SDK1: variants seen among roughly 807,000 people sequenced by gnomAD.
SDK1 encodes the protein sidekick cell adhesion molecule 1, also known as protein sidekick-1.
A neutral mutation model predicts 245.5 loss-of-function variants in SDK1; 157 were observed. That is an observed-to-expected ratio of 0.64 (90% CI 0.56 to 0.73). The LOEUF (loss-of-function observed/expected upper bound fraction) is 0.73, where lower values mean the gene tolerates loss of function less well. Among genes scored for constraint, SDK1 ranks in the 30% least tolerant of loss-of-function variants. SDK1 has a pLI of 0.00. For synonymous variants in SDK1, 1,647 were observed against 1,278.5 expected (o/e 1.29, Z -6.15); for missense variants, 3,583 against 3,002.3 (o/e 1.19, Z -4.52).
chr7:3,556,892 G>GTGATGGATAC (rs1779604630), intron 1 of SDK1, among the ~76,000 whole-genome samples: 1 of 152,010 alleles, frequency 6.6e-6, no homozygotes, highest in Admixed American at 6.6e-5. Context: ...CCCATACCCC[G>GTGATGGATAC]TTTACCCTGA....
At chr7:3,847,592 G>A (rs1258926475) in intron 5 of SDK1, among the ~76,000 whole-genome samples, 1 of 152,180 alleles carries the variant, frequency 6.6e-6, no homozygotes, top group Non-Finnish European at 1.5e-5. Context: ...TGTTGACGCT[G>A]TCATGCTCTC....
chr7:3,433,894 A>T (rs533713472), intron 1 of SDK1, among the ~76,000 whole-genome samples: 3 of 152,240 alleles, frequency 2.0e-5, no homozygotes, highest in Non-Finnish European at 4.4e-5. Context: ...TTTTACATGA[A>T]AGTCATGATA....
At chr7:4,111,782 G>A (rs1235333312) in intron 23 of SDK1, among the ~76,000 whole-genome samples, 2 of 152,214 alleles carry the variant, frequency 1.3e-5, no homozygotes, top group African/African-American at 4.8e-5. Flanking sequence ...AACCTCTATA[G>A]TAAATGTATA....
At chr7:4,196,596 C>A (rs1317986388) in intron 35 of SDK1, among the ~76,000 whole-genome samples, 1 of 152,186 alleles carries the variant, frequency 6.6e-6, no homozygotes, top group African/African-American at 2.4e-5. Context: ...TGCACCTGGC[C>A]AGGGGAGCCC....
intron 1 of SDK1, among the ~76,000 whole-genome samples, chr7:3,535,527 G>C (rs1277523262): frequency 6.6e-6 from 1 of 152,126 alleles, no homozygotes; most frequent in African/African-American, 2.4e-5. Context: ...CTTTAGTAGT[G>C]TGACCTTATG....
chr7:4,127,027 A>T (rs654384), intron 25 of SDK1, among the ~76,000 whole-genome samples: 1 of 151,958 alleles, frequency 6.6e-6, no homozygotes, highest in Admixed American at 6.6e-5. Context: ...AGAATACCAC[A>T]TTTAGAGCTG....
At chr7:3,614,270 C>G (rs1280228250) in intron 1 of SDK1, among the ~76,000 whole-genome samples, 2 of 152,128 alleles carry the variant, frequency 1.3e-5, no homozygotes, top group South Asian at 2.1e-4. Flanking sequence ...AGAACACTTT[C>G]TATATGAAAA....
intron 5 of SDK1, among the ~76,000 whole-genome samples, chr7:3,881,463 A>G (rs945649836): frequency 2.6e-5 from 4 of 152,174 alleles, no homozygotes; most frequent in Non-Finnish European, 5.9e-5. Context: ...ATGGTATTCC[A>G]TGGTGTATAC....
intron 12 of SDK1, among the ~76,000 whole-genome samples, chr7:3,972,993 T>G (rs1782610346): frequency 1.3e-5 from 2 of 152,180 alleles, no homozygotes; most frequent in Non-Finnish European, 2.9e-5. Flanking sequence ...GAGTATGACT[T>G]CAAGGAAGTC....
At chr7:3,374,081 T>G (rs1781293580) in intron 1 of SDK1, among the ~76,000 whole-genome samples, 1 of 152,216 alleles carries the variant, frequency 6.6e-6, no homozygotes, top group Non-Finnish European at 1.5e-5. Context: ...TTTTTCTTTT[T>G]TTTAACTTGA....
chr7:3,642,903 G>A (rs544780866), intron 4 of SDK1: 2 of 152,212 alleles, frequency 1.3e-5, no homozygotes, highest in Non-Finnish European at 2.9e-5. Flanking sequence ...ATGCCATCCA[G>A]TGGTTGCACT....
At chr7:3,402,371 G>T (rs999378576) in intron 1 of SDK1, among the ~76,000 whole-genome samples, 8 of 152,150 alleles carry the variant, frequency 5.3e-5, no homozygotes, top group African/African-American at 1.9e-4. Flanking sequence ...TCACTCGGAA[G>T]CACAATGTTT....
chr7:3,791,274 C>T (rs1162878016), intron 4 of SDK1, among the ~76,000 whole-genome samples: 1 of 152,116 alleles, frequency 6.6e-6, no homozygotes, highest in Non-Finnish European at 1.5e-5. Flanking sequence ...ATGAATCCGC[C>T]TCGTGGAACT....
At chr7:3,952,139 C>T (rs954025954) in intron 7 of SDK1, 18 of 552,236 alleles carry the variant, frequency 3.3e-5, no homozygotes, top group African/African-American at 1.9e-4. Context: ...TTCCAAGAAA[C>T]GTCCTTCTGA....
chr7:4,131,976 C>G (rs907028486), intron 27 of SDK1, among the ~76,000 whole-genome samples: 4 of 152,178 alleles, frequency 2.6e-5, no homozygotes, highest in African/African-American at 9.7e-5. Flanking sequence ...AATCCTTCCT[C>G]TCAACCTGAT....
At chr7:3,705,584 G>A (rs1784863970) in intron 4 of SDK1, among the ~76,000 whole-genome samples, 1 of 151,856 alleles carries the variant, frequency 6.6e-6, no homozygotes, top group Non-Finnish European at 1.5e-5. Context: ...CAATGCTACT[G>A]ATTGGTATAC....
At chr7:3,369,604 TGAAG>T (rs1781173802) in intron 1 of SDK1, among the ~76,000 whole-genome samples, 1 of 152,216 alleles carries the variant, frequency 6.6e-6, no homozygotes, top group African/African-American at 2.4e-5. Context: ...CATCTCCTAT[TGAAG>T]AATAGGATGT....
At chr7:4,051,998 C>T (rs1223531723) in intron 19 of SDK1, among the ~76,000 whole-genome samples, 168 bp downstream of exon 19, 1 of 152,088 alleles carries the variant, frequency 6.6e-6, no homozygotes, top group Non-Finnish European at 1.5e-5. Context: ...ACTGATAATG[C>T]CTCGCAGAGG....
At chr7:3,842,491 A>T (rs921259863) in intron 5 of SDK1, among the ~76,000 whole-genome samples, 1 of 152,086 alleles carries the variant, frequency 6.6e-6, no homozygotes. Flanking sequence ...AGGTCGCTGT[A>T]CTGGCATGGT....
Sources: allele counts gnomAD v4.1 joint callset (sites outside exome capture counted in the v4.1 genomes callset), GRCh38; gene constraint gnomAD v4.1.1; transcripts MANE v1.5; gene names NCBI Gene and HGNC (gene_info 2026-07-23, HGNC 2026-07-21).